Variants in SMOC2 observed in about 807,000 individuals in gnomAD.
The protein encoded by SMOC2 is SPARC-related modular calcium-binding protein 2.
Under a neutral mutation model 61.4 loss-of-function variants are expected in SMOC2, and 39 were observed. The ratio of observed to expected loss-of-function variants is 0.64; its 90% CI spans 0.49 to 0.83. The LOEUF is 0.83. SMOC2 is among the 40% of genes least tolerant of loss of function. SMOC2 has a pLI of 0.00. For synonymous variants in SMOC2, 247 were observed against 239.9 expected (o/e 1.03, Z -0.27); for missense variants, 556 against 592.9 (o/e 0.94, Z 0.65).
intron 1 of SMOC2, among the ~76,000 whole-genome samples, chr6:168,472,945 T>G (rs1385951612): frequency 6.6e-6 from 1 of 152,122 alleles, no homozygotes; most frequent in Non-Finnish European, 1.5e-5. Context: ...TCATTGCTGA[T>G]GGATGCGTCT....
intron 1 of SMOC2, among the ~76,000 whole-genome samples, chr6:168,507,503 T>G (rs1034535357): frequency 6.6e-6 from 1 of 152,202 alleles, no homozygotes; most frequent in Non-Finnish European, 1.5e-5. Context: ...GGAAGCATTT[T>G]ATAAGATCCA....
chr6:168,518,358 G>A (rs998311452), intron 2 of SMOC2, among the ~76,000 whole-genome samples: 1 of 150,766 alleles, frequency 6.6e-6, no homozygotes, highest in African/African-American at 2.4e-5. Flanking sequence ...GCGTGAGTGC[G>A]AATGTGTGTT....
intron 9 of SMOC2, among the ~76,000 whole-genome samples, chr6:168,616,197 C>T (rs534811481): frequency 1.8e-4 from 27 of 152,338 alleles, no homozygotes; most frequent in African/African-American, 4.6e-4. Flanking sequence ...TTTACAGACA[C>T]GAGTCTTCTA....
chr6:168,502,140 A>G (rs1014823135), intron 1 of SMOC2, among the ~76,000 whole-genome samples: 5 of 152,220 alleles, frequency 3.3e-5, no homozygotes, highest in African/African-American at 1.2e-4. Context: ...AATGGCAAAC[A>G]TACCCTATAT....
intron 9 of SMOC2, among the ~76,000 whole-genome samples, chr6:168,631,732 G>A (rs1173733370): frequency 2.0e-5 from 3 of 146,734 alleles, no homozygotes; most frequent in Admixed American, 6.6e-5. Flanking sequence ...CTGGTTGGTT[G>A]TGTTTTCCTA....
At chr6:168,513,859 C>T (rs573668724) in intron 2 of SMOC2, among the ~76,000 whole-genome samples, 1 of 152,212 alleles carries the variant, frequency 6.6e-6, no homozygotes, top group Non-Finnish European at 1.5e-5. Flanking sequence ...TGGGAAGTGA[C>T]TGGCCTGCTT....
chr6:168,555,850 C>G (rs1335111185), intron 7 of SMOC2, among the ~76,000 whole-genome samples: 1 of 152,164 alleles, frequency 6.6e-6, no homozygotes, highest in East Asian at 1.9e-4. Flanking sequence ...CGGCCCTGAG[C>G]CCTTGTCTCC....
intron 1 of SMOC2, among the ~76,000 whole-genome samples, chr6:168,446,347 A>G (rs1461500930): frequency 1.3e-5 from 2 of 152,246 alleles, no homozygotes; most frequent in East Asian, 3.9e-4. Flanking sequence ...TGGGTGACAG[A>G]GTGAGACTCT....
At chr6:168,564,035 G>A (rs1349683228) in intron 7 of SMOC2, among the ~76,000 whole-genome samples, 1 of 152,140 alleles carries the variant, frequency 6.6e-6, no homozygotes, top group Non-Finnish European at 1.5e-5. Flanking sequence ...AGCTTCTCAG[G>A]TAAATTGTTT....
At chr6:168,628,399 C>G (rs544573000) in intron 9 of SMOC2, among the ~76,000 whole-genome samples, 3 of 152,126 alleles carry the variant, frequency 2.0e-5, no homozygotes, top group Non-Finnish European at 4.4e-5. Context: ...AAGTGAAACA[C>G]TTCGTTCCAA....
rs1028114633 is a variant in SMOC2 at position 168,667,228 on chromosome 6, T to C, written c.*790T>C. 2.0e-5 allele frequency: 3 copies of C among 152,202 alleles called. No individual in the cohort carries two copies. The highest frequency in any genetic ancestry group is 6.5e-5 in the Admixed American group (1 of 15,278). 9.4% of individuals were successfully genotyped at this position (152,202 alleles called of 1,614,324 possible). The stretch of plus-strand genomic sequence containing the variant: ...CCATCCTTCCAAAATGTAAATCCAG[T>C]CGCGGTGTGACCGAGCTGGCTAACA... On this transcript the variant is annotated 3_prime_UTR_variant, in exon 13 of 13. Transcript: ENST00000356284.
At position 168,599,311 on chromosome 6, in the gene SMOC2, C is replaced by A. The variant is rs375619675; in HGVS notation, c.824+307C>A. 6.2e-4 allele frequency among the ~76,000 whole-genome samples: 68 copies of A among 108,882 alleles called. 2 individuals carry two copies. The highest frequency in any genetic ancestry group is 2.3e-3 in the African/African-American group (62 of 27,202). 71.4% of individuals were successfully genotyped at this position (108,882 alleles called of 152,430 possible). Reference sequence around the variant, plus strand: ...ACACACACACATACCACACACACACCCCCACACTGTTTCACACACACTCAT... The same window carrying A: ...ACACACACACATACCACACACACACACCCACACTGTTTCACACACACTCAT... On this transcript the variant is annotated intron_variant, in intron 8 of 12. Transcript: ENST00000356284.
In SMOC2 at chr6:168,535,378, A is replaced by C. The variant is rs1214405704; in HGVS notation, c.463+7651A>C. Among the ~76,000 whole-genome samples the C allele has an allele frequency of 1.3e-5, 2 of 152,216 alleles. No individual in the cohort carries two copies. The highest frequency in any genetic ancestry group is 2.9e-5 in the Non-Finnish European group (2 of 68,046). On this transcript the variant is annotated intron_variant, in intron 4 of 12. Coordinates refer to ENST00000356284, the MANE Select transcript of SMOC2 (RefSeq NM_001166412.2). The surrounding 1 kb of genome is among the most constrained non-coding windows in gnomAD (Gnocchi z 4.6). ...GCACCTTTTTTCACTATATGCAGCT[A>C]CAACAGTTAAATGTTGCAAAGATTT...
chr6:168,556,434 G>A (rs1016326860), intron 7 of SMOC2, among the ~76,000 whole-genome samples: 1 of 152,302 alleles, frequency 6.6e-6, no homozygotes, highest in South Asian at 2.1e-4. Flanking sequence ...GCGGGAAGCT[G>A]TTCCTCGTGG....
intron 12 of SMOC2, chr6:168,664,929 T>A (rs1314496639): frequency 2.4e-6 from 1 of 419,020 alleles, no homozygotes; most frequent in African/African-American, 2.0e-5. Context: ...CGACATTTCC[T>A]AAGGCAAGCC....
At chr6:168,612,177 C>A (rs1160606155) in intron 9 of SMOC2, among the ~76,000 whole-genome samples, 1 of 151,768 alleles carries the variant, frequency 6.6e-6, no homozygotes, top group Non-Finnish European at 1.5e-5. Context: ...GTGACCCCAG[C>A]CTTTACCTGA....
chr6:168,647,768 T>C (rs7761615), intron 9 of SMOC2, among the ~76,000 whole-genome samples: 6,600 of 152,290 alleles, frequency 0.043, 506 homozygotes, highest in African/African-American at 0.15. Context: ...GCTTGTAATC[T>C]TTCATTTTTG....
chr6:168,456,480 T>C (rs1385126592), intron 1 of SMOC2, among the ~76,000 whole-genome samples: 1 of 152,186 alleles, frequency 6.6e-6, no homozygotes, highest in Non-Finnish European at 1.5e-5. Flanking sequence ...GTACCTTCGG[T>C]GCTGCGAGAC....
At chr6:168,527,196 G>A (rs925534070) in intron 3 of SMOC2, among the ~76,000 whole-genome samples, 1 of 152,148 alleles carries the variant, frequency 6.6e-6, no homozygotes, top group Non-Finnish European at 1.5e-5. Flanking sequence ...TGAAGGACAG[G>A]CTGTTCTGGC....
Sources: allele counts gnomAD v4.1 joint callset (sites outside exome capture counted in the v4.1 genomes callset), GRCh38; gene constraint gnomAD v4.1.1; non-coding constraint Gnocchi (gnomAD v3.1); transcripts MANE v1.5; gene names NCBI Gene and HGNC (gene_info 2026-07-23, HGNC 2026-07-21).